Variants in CYRIB observed in about 807,000 individuals in gnomAD.
CYRIB encodes the protein CYFIP-related Rac1 interactor B.
In CYRIB, 8 loss-of-function variants were observed where a neutral mutation model predicts 44.2. The ratio of observed to expected loss-of-function variants is 0.18; its 90% CI spans 0.11 to 0.33. The LOEUF (loss-of-function observed/expected upper bound fraction) is 0.33. Among genes scored for constraint, CYRIB ranks in the 10% least tolerant of loss-of-function variants. The pLI is 1.00. For synonymous variants in CYRIB, 131 were observed against 127.2 expected, an observed-to-expected ratio of 1.03 and a Z score of -0.20; for missense variants, 185 against 382.8, an observed-to-expected ratio of 0.48 and a Z score of 4.31.
upstream of CYRIB, among the ~76,000 whole-genome samples, chr8:129,941,081 T>A (rs928231182): frequency 1.3e-5 from 2 of 152,134 alleles, no homozygotes; most frequent in Admixed American, 6.6e-5. Context: ...CCAAATGGTA[T>A]GTAACATGGT....
At chr8:129,894,780 T>C (rs921516148) in intron 2 of CYRIB, among the ~76,000 whole-genome samples, 4 of 152,092 alleles carry the variant, frequency 2.6e-5, no homozygotes, top group African/African-American at 9.7e-5. Flanking sequence ...CTTGTTCCTT[T>C]TGCTCTTCCA....
chr8:129,972,987 A>G (rs28682439), intron 1 of CYRIB, among the ~76,000 whole-genome samples: 10,007 of 152,254 alleles, frequency 0.066, 360 homozygotes, highest in African/African-American at 0.098. Flanking sequence ...TGACTTGGGC[A>G]AGTCACTTAA....
intron 3 of CYRIB, among the ~76,000 whole-genome samples, chr8:129,871,969 T>C (rs1179833003): frequency 6.6e-6 from 1 of 152,168 alleles, no homozygotes; most frequent in African/African-American, 2.4e-5. Flanking sequence ...TTTTAATGAC[T>C]GAGTTTTGAT....
At chr8:129,988,417 T>C (rs372372666) in intron 1 of CYRIB, among the ~76,000 whole-genome samples, 11 of 152,342 alleles carry the variant, frequency 7.2e-5, no homozygotes, top group African/African-American at 2.6e-4. Flanking sequence ...TTCAGCCACG[T>C]GGACCTGTGA....
rs909826227 is a variant in CYRIB at position 129,888,128 on chromosome 8, G to A, written c.-10-8657C>T. On this transcript the variant is annotated intron_variant, in intron 2 of 11. Coordinates refer to ENST00000519824, the Ensembl canonical transcript of CYRIB. Reference sequence around the variant, plus strand: ...GTGTTGGAGAAGGAGCCTGCTGGGAGGAGACTGGATCATGGGAGTGGACTT... The same window carrying A: ...GTGTTGGAGAAGGAGCCTGCTGGGAAGAGACTGGATCATGGGAGTGGACTT... Among the ~76,000 whole-genome samples the A allele has an allele frequency of 3.3e-5, 5 of 152,306 alleles. No individual in the cohort carries two copies. The East Asian group carries it at 7.7e-4, about 24-fold the overall frequency.
chr8:130,010,536 G>A (rs564740125), intron 1 of CYRIB, among the ~76,000 whole-genome samples: 8 of 152,182 alleles, frequency 5.3e-5, no homozygotes, highest in Middle Eastern at 3.4e-3. Flanking sequence ...CTCCTCCCCC[G>A]CTCCCTGAAG....
intron 1 of CYRIB, among the ~76,000 whole-genome samples, chr8:129,987,438 G>A (rs1386419372): frequency 6.6e-6 from 1 of 152,046 alleles, no homozygotes; most frequent in East Asian, 1.9e-4. Flanking sequence ...GCACCTGGGA[G>A]GCTGAGCTAA....
At chr8:129,868,093 T>C (rs984298689) in intron 4 of CYRIB, among the ~76,000 whole-genome samples, 2 of 152,192 alleles carry the variant, frequency 1.3e-5, no homozygotes, top group Admixed American at 1.3e-4. Context: ...ATTAACACTA[T>C]TAGCAATTTA....
At chr8:129,883,625 A>C (rs1032201527) in intron 2 of CYRIB, among the ~76,000 whole-genome samples, 5 of 152,054 alleles carry the variant, frequency 3.3e-5, no homozygotes, top group Non-Finnish European at 5.9e-5. Flanking sequence ...AACAAACAAA[A>C]AAAACCCCTG....
rs188744871 is a variant in CYRIB at position 129,952,148 on chromosome 8, C to T, written c.-243+18795G>A. Among the ~76,000 whole-genome samples, 72 of 152,326 alleles carry T rather than the reference C, an allele frequency of 4.7e-4. No homozygotes were observed. The South Asian group carries it at 0.01, about 21-fold the overall frequency. ...GCAACCTCCACCTCCCAGGTTCAAG[C>T]GATTCTCCTGCCTCAGCCTCCCTGG... On this transcript the variant is annotated intron_variant, in intron 2 of 14. Transcript: ENST00000401979.
chr8:129,860,384 A>G (rs1003481078), intron 5 of CYRIB, among the ~76,000 whole-genome samples: 1 of 152,358 alleles, frequency 6.6e-6, no homozygotes, highest in Admixed American at 6.5e-5. Flanking sequence ...ATAGTAGAGA[A>G]GACAACCAAG....
intron 1 of CYRIB, among the ~76,000 whole-genome samples, chr8:129,982,464 G>A (rs1481318068): frequency 2.0e-5 from 3 of 152,160 alleles, no homozygotes; most frequent in Admixed American, 2.0e-4. Flanking sequence ...TGGACAATTC[G>A]ATTCTGGTTT....
chr8:129,974,002 C>T (rs4733754), intron 1 of CYRIB, among the ~76,000 whole-genome samples: 70,262 of 151,828 alleles, frequency 0.46, 18,113 homozygotes, highest in African/African-American at 0.69. Context: ...CCCCCACACC[C>T]GGTACTATGC....
At chr8:129,891,921 C>T (rs1223721643) in intron 2 of CYRIB, among the ~76,000 whole-genome samples, 1 of 152,076 alleles carries the variant, frequency 6.6e-6, no homozygotes, top group African/African-American at 2.4e-5. Flanking sequence ...AATTAGGAGA[C>T]CAATACTGTT....
In CYRIB at chr8:129,856,335, G is replaced by A. The variant is rs149157977; in HGVS notation, c.302-588C>T. Among the ~76,000 whole-genome samples, 287 of 152,242 alleles carry A rather than the reference G, an allele frequency of 1.9e-3. 6 individuals carry two copies. The highest frequency in any genetic ancestry group is 6.3e-3 in the African/African-American group (260 of 41,548). The stretch of plus-strand genomic sequence containing the variant: ...ATATAAATATTCTAATTCATTATGT[G>A]AGCAAAATGGTCCCTTTGAAATAAG... On this transcript the variant is annotated intron_variant, in intron 5 of 11. Transcript: ENST00000519824.
intron 1 of CYRIB, among the ~76,000 whole-genome samples, chr8:129,936,854 C>T (rs1305202871): frequency 6.6e-6 from 1 of 151,844 alleles, no homozygotes; most frequent in East Asian, 1.9e-4. Flanking sequence ...CTACAGGCGC[C>T]CACCACCACG....
At chr8:129,902,812 A>G (rs1338076148) in intron 2 of CYRIB, 1 of 152,230 alleles carries the variant, frequency 6.6e-6, no homozygotes, top group Non-Finnish European at 1.5e-5. Context: ...CAAATGTTTC[A>G]GTACTCAGGA....
chr8:129,924,110 A>T (rs1420659355), intron 1 of CYRIB, among the ~76,000 whole-genome samples: 1 of 1,534 alleles, frequency 6.5e-4, no homozygotes, highest in East Asian at 0.024. Flanking sequence ...TCTCCACCCC[A>T]AAAAAAAAAA....
At chr8:129,983,520 A>G (rs1420069475) in intron 1 of CYRIB, among the ~76,000 whole-genome samples, 2 of 152,226 alleles carry the variant, frequency 1.3e-5, no homozygotes, top group African/African-American at 4.8e-5. Flanking sequence ...ACAACAAAAA[A>G]AAGTTTTTAA....
Sources: gnomAD v4.1 joint callset for allele counts (sites outside exome capture counted in the v4.1 genomes callset) on GRCh38, gnomAD v4.1.1 for gene constraint, MANE v1.5 for transcripts, NCBI Gene and HGNC (gene_info 2026-07-23, HGNC 2026-07-21) for gene names.